MMP16: variants seen among roughly 807,000 people sequenced by gnomAD.
MMP16 encodes the protein matrix metallopeptidase 16.
MMP16 carries 12 observed loss-of-function variants against 67.8 expected under a neutral mutation model. That is an observed-to-expected ratio of 0.18 (90% CI 0.11 to 0.29). The LOEUF is 0.29. Among genes scored for constraint, MMP16 ranks in the 10% least tolerant of loss-of-function variants. MMP16 has a pLI of 1.00. For missense variants in MMP16, 475 were observed against 765.7 expected, an observed-to-expected ratio of 0.62 and a Z score of 4.48; for synonymous variants, 249 against 255.9, an observed-to-expected ratio of 0.97 and a Z score of 0.26.
rs1016758550 is a variant in MMP16 at position 88,073,885 on chromosome 8, G to A, written c.1222+720C>T. Among the ~76,000 whole-genome samples the A allele has an allele frequency of 7.2e-5, 11 of 152,072 alleles. 1 individual carries two copies. The highest frequency in any genetic ancestry group is 6.6e-4 in the Admixed American group (10 of 15,254). On this transcript the variant is annotated intron_variant, in intron 7 of 9. Transcript: ENST00000286614. ...TACACTCTAGTTCTCCTCAGCTTCA[G>A]CTCAAATACATTCTCTTCACAATTC...
At chr8:88,045,597 C>T (rs1434941127) in intron 9 of MMP16, among the ~76,000 whole-genome samples, 2 of 152,054 alleles carry the variant, frequency 1.3e-5, no homozygotes, top group Non-Finnish European at 2.9e-5. Context: ...TGGTCCCAAA[C>T]TCAGGTAATC....
intron 1 of MMP16, among the ~76,000 whole-genome samples, chr8:88,317,459 A>G (rs1291223487): frequency 6.6e-6 from 1 of 152,186 alleles, no homozygotes; most frequent in Non-Finnish European, 1.5e-5. Flanking sequence ...TTTTTTAGGT[A>G]TAATGCTATT....
rs1206549485 is a variant in MMP16, at chr8:88,215,298, G to T, written c.133-17992C>A. Among the ~76,000 whole-genome samples the T allele has an allele frequency of 2.0e-5, 3 of 151,972 alleles. No individual in the cohort carries two copies. In the East Asian group the frequency reaches 5.8e-4, roughly 30 times the overall value. ...TGAGCTGAGATCGCACTCCAGCCTGGGTGACAGAGTGAGACTCTGTCTAAA... is the reference window on the plus strand; with the variant it reads ...TGAGCTGAGATCGCACTCCAGCCTGTGTGACAGAGTGAGACTCTGTCTAAA... On this transcript the variant is annotated intron_variant, in intron 1 of 9. Transcript: ENST00000286614.
intron 4 of MMP16, among the ~76,000 whole-genome samples, chr8:88,158,884 G>C (rs1252554664): frequency 6.6e-6 from 1 of 152,036 alleles, no homozygotes; most frequent in African/African-American, 2.4e-5. Flanking sequence ...TTCTATATAC[G>C]GCTAGCCAGT....
chr8:88,046,571 T>C (rs1229699127), intron 9 of MMP16, 98 bp downstream of exon 9: 2 of 659,224 alleles, frequency 3.0e-6, no homozygotes, highest in South Asian at 2.1e-5. Flanking sequence ...ATAGCTCTAG[T>C]ATAGCACTTT....
At chr8:88,149,543 G>A (rs1423091537) in intron 4 of MMP16, among the ~76,000 whole-genome samples, 2 of 152,128 alleles carry the variant, frequency 1.3e-5, no homozygotes, top group East Asian at 3.9e-4. Flanking sequence ...CCTCAAGTGG[G>A]TCCCTGACCC....
chr8:88,080,781 T>C (rs1216124174), intron 6 of MMP16, among the ~76,000 whole-genome samples: 1 of 152,074 alleles, frequency 6.6e-6, no homozygotes, highest in African/African-American at 2.4e-5. Flanking sequence ...GGAGAGTGTC[T>C]GGGGAAACTG....
intron 6 of MMP16, among the ~76,000 whole-genome samples, chr8:88,088,601 AG>A (rs760744961): frequency 9.2e-5 from 14 of 152,078 alleles, no homozygotes; most frequent in Non-Finnish European, 1.8e-4. Context: ...TTGCCATAAC[AG>A]GGGAGACTAA....
At chr8:88,237,280 G>A (rs1411819527) in intron 1 of MMP16, among the ~76,000 whole-genome samples, 1 of 152,162 alleles carries the variant, frequency 6.6e-6, no homozygotes, top group African/African-American at 2.4e-5. Context: ...GGCATTATGC[G>A]TTTTGCTCAA....
intron 9 of MMP16, 65 bp downstream of exon 9, chr8:88,046,604 T>A: frequency 1.0e-6 from 1 of 987,324 alleles, no homozygotes. Flanking sequence ...TTTAGCAGAG[T>A]GAAAAAGCCT....
chr8:88,268,401 T>A (rs943464290), intron 1 of MMP16, among the ~76,000 whole-genome samples: 1 of 152,098 alleles, frequency 6.6e-6, no homozygotes, highest in Non-Finnish European at 1.5e-5. Flanking sequence ...CATTCATTCG[T>A]CTATTCAACA....
At position 88,293,217 on chromosome 8, in the gene MMP16, T is replaced by C. The variant is rs575030774; in HGVS notation, c.132+33858A>G. On this transcript the variant is annotated intron_variant, in intron 1 of 9. Coordinates refer to ENST00000286614, the MANE Select transcript of MMP16 (RefSeq NM_005941.5). ...ACACTAAATATAATTTTCTAAGTTA[T>C]AGAAACTAGTTTTTATGTCTTACTA... is the stretch of plus-strand genomic sequence containing the variant. 5.9e-5 allele frequency among the ~76,000 whole-genome samples: 9 copies of C among 152,332 alleles called. No individual in the cohort carries two copies. The East Asian group carries it at 1.5e-3, about 26-fold the overall frequency.
At chr8:88,112,251 C>T (rs1054225183) in intron 6 of MMP16, among the ~76,000 whole-genome samples, 1 of 150,720 alleles carries the variant, frequency 6.6e-6, no homozygotes, top group Non-Finnish European at 1.5e-5. Flanking sequence ...CTATTTCCAG[C>T]TTCAAAAGAA....
Position 88,196,321 on chromosome 8 carries a change from C to G in MMP16, c.281+837G>C, listed in dbSNP as rs147641852. ...TCCCTCTACTGAAAAAAATTAATCA[C>G]TTCTTCCTTTGCTGTCCAGAAAAGT... On this transcript the variant is annotated intron_variant, in intron 2 of 9. Transcript: ENST00000286614. Among the ~76,000 whole-genome samples, 76 of 152,274 alleles carry G rather than the reference C, an allele frequency of 5.0e-4. No individual in the cohort carries two copies. In the East Asian group the frequency reaches 0.014, roughly 29 times the overall value.
chr8:88,106,317 C>A (rs1016273200), intron 6 of MMP16, among the ~76,000 whole-genome samples: 2 of 151,212 alleles, frequency 1.3e-5, no homozygotes, highest in Non-Finnish European at 3.0e-5. Flanking sequence ...CTGCACCTCG[C>A]TTTAAAAATA....
intron 1 of MMP16, among the ~76,000 whole-genome samples, chr8:88,281,893 A>C (rs752550086): frequency 1.3e-5 from 2 of 152,082 alleles, no homozygotes; most frequent in African/African-American, 4.8e-5. Context: ...CCTAACCACC[A>C]CAAGCTCTTC....
intron 4 of MMP16, among the ~76,000 whole-genome samples, chr8:88,153,603 C>G (rs1586178162): frequency 6.6e-6 from 1 of 151,710 alleles, no homozygotes; most frequent in African/African-American, 2.4e-5. Context: ...CTGAGAAAAA[C>G]AAGCAATGGG....
intron 1 of MMP16, among the ~76,000 whole-genome samples, chr8:88,257,580 A>G (rs1810323223): frequency 6.6e-6 from 1 of 152,230 alleles, no homozygotes; most frequent in South Asian, 2.1e-4. Flanking sequence ...GGGGCTTAAT[A>G]TCATTGAAAA....
chr8:88,269,358 C>G (rs183555986), intron 1 of MMP16, among the ~76,000 whole-genome samples: 1 of 152,194 alleles, frequency 6.6e-6, no homozygotes, highest in Admixed American at 6.5e-5. Context: ...AGATCTCTCT[C>G]TATGGGGTAA....
Sources: allele counts gnomAD v4.1 joint callset (sites outside exome capture counted in the v4.1 genomes callset), GRCh38; gene constraint gnomAD v4.1.1; transcripts MANE v1.5; gene names NCBI Gene and HGNC (gene_info 2026-07-23, HGNC 2026-07-21).